Variants in PTPRH observed in about 807,000 individuals in gnomAD.
PTPRH encodes the protein protein tyrosine phosphatase receptor type H.
PTPRH carries 113 observed loss-of-function variants against 130.2 expected under a neutral mutation model. The ratio of observed to expected loss-of-function variants is 0.87; its 90% CI spans 0.75 to 1.01. PTPRH has a LOEUF of 1.01. PTPRH is among the 50% of genes least tolerant of loss of function. PTPRH has a pLI of 0.00. For missense variants in PTPRH, 1,430 were observed against 1,425.0 expected (o/e 1.00, Z -0.06); for synonymous variants, 556 against 577.9 (o/e 0.96, Z 0.54).
chr19:55,191,750 A>T lies in PTPRH; in HGVS notation c.2258-9T>A. 1 of 1,611,870 alleles carries T rather than the reference A, an allele frequency of 6.2e-7. No homozygotes were observed. On this transcript the variant is annotated splice_polypyrimidine_tract_variant and intron_variant, in intron 10 of 19. Transcript: ENST00000376350. The stretch of plus-strand genomic sequence containing the variant: ...GGCTCCGGCAATGACCCCTGTGGGG[A>T]GGAGGCATCGGGAACCCTCAGAGCG...
In PTPRH at chr19:55,191,707, C is replaced by T; in HGVS notation, c.2292G>A (p.Leu764=). 6.2e-7 allele frequency: 1 copy of T among 1,614,122 alleles called. No homozygotes were observed. Among genetic ancestry groups the T allele is most frequent in the Non-Finnish European group, 8.5e-7 (1 of 1,180,012 alleles). ...VIAGAFVGIL[L]FLILVGLLIF... ...TCAGCAGGCCCACGAGGATGAGAAA[C>T]AGGAGGATGCCCACAAAGGCTCCGG... is the stretch of plus-strand genomic sequence containing the variant. The change falls in exon 11 of 20, where the codon CTG becomes CTA. Residue 764 remains leucine, a synonymous_variant. Coordinates refer to ENST00000376350, the MANE Select transcript of PTPRH (RefSeq NM_002842.5).
At position 55,196,525 on chromosome 19, in the gene PTPRH, C is replaced by T. The variant is rs767990960; in HGVS notation, c.2254G>A (p.Ala752Thr). The change falls in exon 10 of 20, where the codon GCA (alanine) becomes ACA (threonine). Residue 752 changes from alanine to threonine, a missense_variant. Ala to Thr is a moderately conservative substitution (Grantham distance 58). Coordinates refer to ENST00000376350, the MANE Select transcript of PTPRH (RefSeq NM_002842.5). ...SHSVVCHTES[A>T]GVIAGAFVGI... ...TGGCCCGCGCGGCTCCGCTCACCTG[C>T]ACTCTCGGTGTGGCAGACCACAGAG... 6.2e-7 allele frequency: 1 copy of T among 1,609,840 alleles called. No individual in the cohort carries two copies. The highest frequency in any genetic ancestry group is 8.5e-7 in the Non-Finnish European group (1 of 1,178,452).
At chr19:55,183,476 C>T (rs1455055483) in intron 18 of PTPRH, among the ~76,000 whole-genome samples, 1 of 152,212 alleles carries the variant, frequency 6.6e-6, no homozygotes, top group Middle Eastern at 3.4e-3. Context: ...GTAATCCCAG[C>T]ACTTTGGGAG....
intron 5 of PTPRH, among the ~76,000 whole-genome samples, chr19:55,202,786 C>T (rs1198834756): frequency 1.3e-5 from 2 of 152,150 alleles, no homozygotes; most frequent in Non-Finnish European, 2.9e-5. Context: ...CACCTGTAAT[C>T]CCAGCACTTT....
intron 5 of PTPRH, 86 bp from the exon 6 acceptor site, chr19:55,202,408 G>A (rs1367361850): frequency 2.9e-5 from 46 of 1,560,104 alleles, no homozygotes; most frequent in South Asian, 1.1e-4. Flanking sequence ...CATCCAGCAG[G>A]TGGAGGCAGG....
chr19:55,182,571 A>G (rs928518190), intron 18 of PTPRH, among the ~76,000 whole-genome samples: 5 of 152,080 alleles, frequency 3.3e-5, no homozygotes, highest in African/African-American at 4.8e-5. Flanking sequence ...AGTTCCTTCC[A>G]TCTGTTAGGC....
At chr19:55,201,749 TC>T (rs1470399780) in intron 6 of PTPRH, among the ~76,000 whole-genome samples, 1 of 152,180 alleles carries the variant, frequency 6.6e-6, no homozygotes, top group Admixed American at 6.6e-5. Flanking sequence ...AGTATCTAAT[TC>T]CTTGAAAGCT....
In PTPRH at chr19:55,204,150, C is replaced by G. The variant is rs976217511; in HGVS notation, c.620-102G>C. On this transcript the variant is annotated intron_variant, in intron 4 of 19. Coordinates refer to ENST00000376350, the MANE Select transcript of PTPRH (RefSeq NM_002842.5). The stretch of plus-strand genomic sequence containing the variant: ...TGTTTGTTTTTTCGAGACAGAGTCT[C>G]TGTCTGTCATCCAGGCTGGAGTGCA... 4.6e-6 allele frequency: 6 copies of G among 1,307,770 alleles called. No individual in the cohort carries two copies. In the African/African-American group the frequency reaches 7.4e-5, roughly 16 times the overall value. The allele number at this position is 1,307,770 out of a possible 1,614,324, so 81.0% of individuals were successfully genotyped here.
chr19:55,192,455 A>G (rs1246921725), intron 10 of PTPRH, among the ~76,000 whole-genome samples: 1 of 152,100 alleles, frequency 6.6e-6, no homozygotes, highest in Non-Finnish European at 1.5e-5. Context: ...ATTACAGATG[A>G]AATGTATGTT....
rs71302128 is a variant in PTPRH, at chr19:55,200,965, A to AAAC, written c.1154-464_1154-463insGTT. On this transcript the variant is annotated intron_variant, in intron 6 of 19. Coordinates refer to ENST00000376350, the MANE Select transcript of PTPRH (RefSeq NM_002842.5). ...CTCAAAACAAACAAAAAAAACAAACAAAAAAAACAAAATAAAAATCTCCAA... is the reference window on the plus strand; with the variant it reads ...CTCAAAACAAACAAAAAAAACAAACAAACAAAAAAACAAAATAAAAATCTCCAA... 7.2e-4 allele frequency among the ~76,000 whole-genome samples: 24 copies of AAAC among 33,112 alleles called. No homozygotes were observed. The African/African-American group carries it at 7.4e-3, about 10-fold the overall frequency. 21.7% of individuals were successfully genotyped at this position (33,112 alleles called of 152,430 possible). A position where few individuals can be genotyped will look rare whatever the true frequency, so the allele number is the denominator to read the frequency against.
rs764438581 is a variant in PTPRH, at chr19:55,187,989, G to A, written c.2475+89C>T. 40 of 770,546 alleles carry A rather than the reference G, an allele frequency of 5.2e-5. 1 individual carries two copies. The East Asian group carries it at 6.0e-4, about 12-fold the overall frequency. 47.7% of individuals were successfully genotyped at this position (770,546 alleles called of 1,614,324 possible). On this transcript the variant is annotated intron_variant, in intron 13 of 19. Transcript: ENST00000376350. ...TGTGATGCTACTTTTGCTTAATCCC[G>A]AAAGCCGTGAGGTCTGGCCAGGGGG...
intron 8 of PTPRH, among the ~76,000 whole-genome samples, chr19:55,198,420 G>A (rs1408215307): frequency 3.9e-5 from 6 of 152,092 alleles, no homozygotes; most frequent in African/African-American, 1.4e-4. Context: ...ACCCCAAAGA[G>A]TCCATTTCCC....
At chr19:55,200,213 G>A in intron 7 of PTPRH, 23 bp downstream of exon 7, 1 of 1,612,158 alleles carries the variant, frequency 6.2e-7, no homozygotes, top group Non-Finnish European at 8.5e-7. Context: ...CCAAAACAGG[G>A]AGTGGCCGTT....
In PTPRH at chr19:55,182,129, T is replaced by C; in HGVS notation, c.3085A>G (p.Thr1029Ala). Residue 1029 changes from threonine (T) to alanine (A), a missense_variant, in exon 19 of 20, where the codon ACC (threonine) becomes GCC (alanine). Physicochemically the swap from Thr to Ala is moderately conservative, Grantham distance 58. Coordinates refer to ENST00000376350, the MANE Select transcript of PTPRH (RefSeq NM_002842.5). ...HCSAGVGRTG[T>A]LIALDVLLRQ... ...AGCAGGACGTCCAGGGCAATGAGGG[T>C]TCCTGTGCGACCCACGCCAGCACTA... 1 of 1,613,882 alleles carries C rather than the reference T, an allele frequency of 6.2e-7. No individual in the cohort carries two copies. The highest frequency in any genetic ancestry group is 8.5e-7 in the Non-Finnish European group (1 of 1,180,008).
rs551435081 is a variant in PTPRH, at chr19:55,197,339, C to T, written c.1768G>A (p.Asp590Asn). 7 of 1,614,210 alleles carry T rather than the reference C, an allele frequency of 4.3e-6. No individual in the cohort carries two copies. The highest frequency in any genetic ancestry group is 1.6e-4 in the Middle Eastern group (1 of 6,062). Residue 590 changes from aspartate to asparagine, a missense_variant, in exon 9 of 20, where the codon GAC becomes AAC. Asp to Asn is a conservative substitution (Grantham distance 23). Coordinates refer to ENST00000376350, the MANE Select transcript of PTPRH (RefSeq NM_002842.5). ...TATACGTACAACTGAGAGTGGGGGT[C>T]TCCAGGGGCCTTCCACCACAGCATG... ...SVMLWWKAPG[D>N]PHSQLYVYWV...
At chr19:55,207,031 C>T in intron 2 of PTPRH, 76 bp from the exon 3 acceptor site, 1 of 1,551,334 alleles carries the variant, frequency 6.4e-7, no homozygotes, top group Non-Finnish European at 8.7e-7. Context: ...GAGCTCACGC[C>T]CCAAGTCCAG....
chr19:55,198,065 A>T (rs930415053), intron 8 of PTPRH, among the ~76,000 whole-genome samples: 1 of 152,112 alleles, frequency 6.6e-6, no homozygotes, highest in African/African-American at 2.4e-5. Flanking sequence ...ATATTTTTTT[A>T]AATGAGCTGG....
At chr19:55,197,825 C>T (rs1422308997) in intron 8 of PTPRH, among the ~76,000 whole-genome samples, 2 of 152,132 alleles carry the variant, frequency 1.3e-5, no homozygotes, top group Non-Finnish European at 1.5e-5. Flanking sequence ...CACAGGAACC[C>T]CAGGTAGGGT....
Position 55,181,796 on chromosome 19 carries a change from G to A in PTPRH, c.3306C>T (p.Tyr1102=), listed in dbSNP as rs763334577. ...GGGCCTGGATGGCGGCCACGTTCTC[G>A]TAGATGAGGTTTTCGACATCCTCAT... ...VPYEDVENLI[Y]ENVAAIQAHK... Residue 1102 remains tyrosine (Y), a synonymous_variant, in exon 20 of 20, where the codon TAC becomes TAT. Coordinates refer to ENST00000376350, the MANE Select transcript of PTPRH (RefSeq NM_002842.5). 48 of 1,614,060 alleles carry A rather than the reference G, an allele frequency of 3.0e-5. No homozygotes were observed. Among genetic ancestry groups the A allele is most frequent in the African/African-American group, 9.3e-5 (7 of 74,928 alleles).
Sources: allele counts gnomAD v4.1 joint callset (sites outside exome capture counted in the v4.1 genomes callset), GRCh38; gene constraint gnomAD v4.1.1; transcripts MANE v1.5; gene names NCBI Gene and HGNC (gene_info 2026-07-23, HGNC 2026-07-21).